ANKS1B: variants seen among roughly 807,000 people sequenced by gnomAD.
ANKS1B encodes ankyrin repeat and sterile alpha motif domain containing 1B, also known as ankyrin repeat and sterile alpha motif domain-containing protein 1B.
A neutral mutation model predicts 148.3 loss-of-function variants in ANKS1B; 36 were observed. The ratio of observed to expected loss-of-function variants is 0.24; its 90% confidence interval spans 0.19 to 0.32. The LOEUF is 0.32. ANKS1B is among the 10% of genes least tolerant of loss of function. The pLI is 1.00. For synonymous variants in ANKS1B, 542 were observed against 560.8 expected, an observed-to-expected ratio of 0.97 and a Z score of 0.47; for missense variants, 1,157 against 1,542.6, an observed-to-expected ratio of 0.75 and a Z score of 4.19.
At chr12:99,598,072 C>T (rs1597822598) in intron 9 of ANKS1B, among the ~76,000 whole-genome samples, 1 of 152,024 alleles carries the variant, frequency 6.6e-6, no homozygotes. Context: ...TAGAGAATTA[C>T]CATCTGAGTC....
chr12:99,929,076 T>C (rs1306422089), intron 1 of ANKS1B, among the ~76,000 whole-genome samples: 2 of 152,220 alleles, frequency 1.3e-5, no homozygotes, highest in East Asian at 3.8e-4. Context: ...ATAAGCTTCA[T>C]TTGTCCAACA....
At chr12:98,887,538 A>G (rs2099742890) in intron 17 of ANKS1B, among the ~76,000 whole-genome samples, 1 of 152,196 alleles carries the variant, frequency 6.6e-6, no homozygotes, top group Non-Finnish European at 1.5e-5. Flanking sequence ...AACTCCCATA[A>G]TAAGGAGACA....
At chr12:98,757,939 T>TGTGTGTGTGTGTGTGTGTGTGTGTGCAC (rs2098297072) in intron 25 of ANKS1B, among the ~76,000 whole-genome samples, 1 of 115,954 alleles carries the variant, frequency 8.6e-6, no homozygotes, top group South Asian at 3.1e-4. Flanking sequence ...TGTGTGCACG[T>TGTGTGTGTGTGTGTGTGTGTGTGTGCAC]GTGTGTGTGT....
At chr12:99,361,750 T>C (rs998185516) in intron 12 of ANKS1B, among the ~76,000 whole-genome samples, 2 of 151,996 alleles carry the variant, frequency 1.3e-5, no homozygotes, top group African/African-American at 4.8e-5. Flanking sequence ...ACCTCTAAAA[T>C]CACATAATCA....
intron 1 of ANKS1B, among the ~76,000 whole-genome samples, chr12:99,831,984 A>T (rs1304581577): frequency 6.6e-6 from 1 of 152,240 alleles, no homozygotes; most frequent in Non-Finnish European, 1.5e-5. Flanking sequence ...CACTGTGGCT[A>T]GCAAAGAGCA....
At chr12:99,561,085 A>C (rs542945630) in intron 9 of ANKS1B, among the ~76,000 whole-genome samples, 1 of 151,894 alleles carries the variant, frequency 6.6e-6, no homozygotes, top group Non-Finnish European at 1.5e-5. Flanking sequence ...TGACCTTGTG[A>C]TCCACCCGCC....
At chr12:99,203,862 A>G (rs1178217846) in intron 14 of ANKS1B, among the ~76,000 whole-genome samples, 1 of 152,196 alleles carries the variant, frequency 6.6e-6, no homozygotes, top group Non-Finnish European at 1.5e-5. Context: ...TTCACCAGCT[A>G]GACTGTTTAC....
At chr12:99,777,280 C>G (rs1389180408) in intron 6 of ANKS1B, among the ~76,000 whole-genome samples, 1 of 152,144 alleles carries the variant, frequency 6.6e-6, no homozygotes, top group Non-Finnish European at 1.5e-5. Flanking sequence ...CCAGGGAAAT[C>G]CAGGAATGCA....
At chr12:99,965,868 C>T (rs187925867) in intron 1 of ANKS1B, among the ~76,000 whole-genome samples, 2 of 152,202 alleles carry the variant, frequency 1.3e-5, no homozygotes, top group Non-Finnish European at 2.9e-5. Context: ...GCCAAAATTG[C>T]GCCACTGCAC....
chr12:98,997,308 G>A (rs1050053966), intron 17 of ANKS1B, among the ~76,000 whole-genome samples: 15 of 151,954 alleles, frequency 9.9e-5, no homozygotes, highest in African/African-American at 3.4e-4. Flanking sequence ...TTTGTATTCC[G>A]TATATTGATG....
intron 11 of ANKS1B, among the ~76,000 whole-genome samples, chr12:99,425,508 T>C (rs912898713): frequency 6.6e-5 from 10 of 151,910 alleles, no homozygotes; most frequent in African/African-American, 1.4e-4. Flanking sequence ...ACCAAGAAAA[T>C]GTATAGAAAC....
chr12:99,453,830 G>A (rs1162015047), intron 10 of ANKS1B, among the ~76,000 whole-genome samples: 1 of 152,176 alleles, frequency 6.6e-6, no homozygotes, highest in Non-Finnish European at 1.5e-5. Flanking sequence ...GGAAAACATA[G>A]AAGGGCAAAT....
chr12:98,746,238 T>G (rs1243047721), intron 26 of ANKS1B, among the ~76,000 whole-genome samples: 1 of 152,132 alleles, frequency 6.6e-6, no homozygotes, highest in Non-Finnish European at 1.5e-5. Flanking sequence ...CACTCTCCAG[T>G]GGTTTCCATC....
At chr12:98,775,007 G>T (rs1262062372) in intron 24 of ANKS1B, among the ~76,000 whole-genome samples, 1 of 152,168 alleles carries the variant, frequency 6.6e-6, no homozygotes, top group Non-Finnish European at 1.5e-5. Flanking sequence ...AATTAGGGAT[G>T]GGTGAGTCTT....
intron 14 of ANKS1B, among the ~76,000 whole-genome samples, chr12:99,241,234 G>T (rs886869555): frequency 2.0e-4 from 31 of 152,302 alleles, no homozygotes; most frequent in African/African-American, 7.2e-4. Flanking sequence ...CAATCCCACA[G>T]AAATACAAAC....
intron 12 of ANKS1B, among the ~76,000 whole-genome samples, chr12:99,290,484 C>G (rs1160449107): frequency 6.6e-6 from 1 of 151,856 alleles, no homozygotes; most frequent in African/African-American, 2.4e-5. Context: ...AGGCCATTAT[C>G]CCTGATGAAC....
intron 10 of ANKS1B, among the ~76,000 whole-genome samples, chr12:99,469,280 G>A (rs112412673): frequency 3.1e-5 from 4 of 128,056 alleles, no homozygotes; most frequent in African/African-American, 1.2e-4. Flanking sequence ...TCACACTCTG[G>A]GGACTGTTGT....
At chr12:98,926,708 G>A (rs556202314) in intron 17 of ANKS1B, among the ~76,000 whole-genome samples, 5 of 152,164 alleles carry the variant, frequency 3.3e-5, no homozygotes, top group African/African-American at 7.2e-5. Context: ...TGATTTAAAC[G>A]TACAAAATCG....
intron 12 of ANKS1B, among the ~76,000 whole-genome samples, chr12:99,384,241 G>A (rs1246811068): frequency 1.3e-5 from 2 of 152,118 alleles, no homozygotes; most frequent in African/African-American, 4.8e-5. Context: ...AGTGGGAAGA[G>A]GTCTAGTCCA....
Sources: gnomAD v4.1 joint callset for allele counts (sites outside exome capture counted in the v4.1 genomes callset) on GRCh38, gnomAD v4.1.1 for gene constraint, MANE v1.5 for transcripts, NCBI Gene and HGNC (gene_info 2026-07-23, HGNC 2026-07-21) for gene names.